Variants in PRTFDC1 observed in about 807,000 individuals in gnomAD.
PRTFDC1 encodes the protein phosphoribosyl transferase domain containing 1.
PRTFDC1 carries 38 observed loss-of-function variants against 34.6 expected under a neutral mutation model. The ratio of observed to expected loss-of-function variants is 1.10; its 90% CI spans 0.85 to 1.44. PRTFDC1 has a LOEUF of 1.44. Ranked by LOEUF, PRTFDC1 falls within the 40% of genes most tolerant of loss-of-function variation. The pLI, the probability that PRTFDC1 is intolerant of heterozygous loss-of-function variation, is 0.00. For synonymous variants in PRTFDC1, 93 were observed against 98.1 expected, an observed-to-expected ratio of 0.95 and a Z score of 0.31; for missense variants, 270 against 283.0, an observed-to-expected ratio of 0.95 and a Z score of 0.33.
At chr10:24,927,203 C>A (rs1395235461) in intron 3 of PRTFDC1, among the ~76,000 whole-genome samples, 1 of 152,142 alleles carries the variant, frequency 6.6e-6, no homozygotes, top group African/African-American at 2.4e-5. Context: ...TTCATCCATG[C>A]CCTGCTGAAA....
intron 1 of PRTFDC1, among the ~76,000 whole-genome samples, chr10:24,947,814 C>G (rs1413015589): frequency 6.6e-6 from 1 of 152,032 alleles, no homozygotes; most frequent in Non-Finnish European, 1.5e-5. Flanking sequence ...TCCCTTCACT[C>G]TAATTCAAAG....
Position 24,851,369 on chromosome 10 carries a change from A to T in PRTFDC1, c.630+19T>A, listed in dbSNP as rs1419202604. ...GTTCTTATAAAAAGGGCGGTTAGGG[A>T]TTTGCATGCAAGACTTACATTCAGA... On this transcript the variant is annotated intron_variant, in intron 8 of 8. Coordinates refer to ENST00000320152, the MANE Select transcript of PRTFDC1 (RefSeq NM_020200.7). The T allele has an allele frequency of 2.4e-5, 38 of 1,594,518 alleles. No individual in the cohort carries two copies. The highest frequency in any genetic ancestry group is 2.9e-5 in the Non-Finnish European group (34 of 1,175,128).
intron 3 of PRTFDC1, among the ~76,000 whole-genome samples, chr10:24,888,981 G>C (rs1000952567): frequency 6.6e-6 from 1 of 152,118 alleles, no homozygotes; most frequent in Non-Finnish European, 1.5e-5. Context: ...AAATGGAAAT[G>C]CTGCTACCAC....
intron 3 of PRTFDC1, among the ~76,000 whole-genome samples, chr10:24,920,433 CAG>C (rs1414321638): frequency 9.2e-5 from 14 of 152,180 alleles, no homozygotes; most frequent in African/African-American, 3.1e-4. Flanking sequence ...AATGCAGGAA[CAG>C]AAAACCAAGC....
intron 3 of PRTFDC1, among the ~76,000 whole-genome samples, chr10:24,906,520 C>A (rs1848538490): frequency 6.6e-6 from 1 of 151,926 alleles, no homozygotes; most frequent in Non-Finnish European, 1.5e-5. Flanking sequence ...GATATATGAA[C>A]AAATGACTTG....
chr10:24,933,664 A>C (rs897200300), intron 3 of PRTFDC1, among the ~76,000 whole-genome samples: 1 of 151,648 alleles, frequency 6.6e-6, no homozygotes, highest in East Asian at 1.9e-4. Context: ...ATTCAAAATG[A>C]TTCAATCCTT....
At chr10:24,869,671 T>A (rs902705335) in intron 4 of PRTFDC1, among the ~76,000 whole-genome samples, 5 of 152,214 alleles carry the variant, frequency 3.3e-5, no homozygotes, top group African/African-American at 1.2e-4. Context: ...CTAAGTGAAA[T>A]TTTTTTCACT....
intron 3 of PRTFDC1, among the ~76,000 whole-genome samples, chr10:24,905,255 G>C (rs935834851): frequency 1.2e-4 from 18 of 151,574 alleles, no homozygotes; most frequent in Non-Finnish European, 2.4e-4. Context: ...TGAGACTACA[G>C]TGAGTCGAGA....
intron 3 of PRTFDC1, among the ~76,000 whole-genome samples, chr10:24,909,317 A>G (rs1848590502): frequency 6.6e-6 from 1 of 152,234 alleles, no homozygotes; most frequent in Non-Finnish European, 1.5e-5. Context: ...AAGGTAAGAA[A>G]GAGATATTGT....
chr10:24,915,685 A>G (rs955296500), intron 3 of PRTFDC1, among the ~76,000 whole-genome samples: 5 of 152,162 alleles, frequency 3.3e-5, no homozygotes, highest in Admixed American at 6.5e-5. Flanking sequence ...TTGTTCTATT[A>G]ACTGCATTCA....
In PRTFDC1 at chr10:24,932,632, A is replaced by T. The variant is rs113531783; in HGVS notation, c.339+4552T>A. 9.7e-3 allele frequency among the ~76,000 whole-genome samples: 1,483 copies of T among 152,164 alleles called. 30 individuals carry two copies. The highest frequency in any genetic ancestry group is 0.034 in the African/African-American group (1,425 of 41,554). ...CACTTGAAAACCAGAAAACACTGAA[A>T]TAAGATCTAAATAAATTAGGAGATA... On this transcript the variant is annotated intron_variant, in intron 3 of 8. Coordinates refer to ENST00000320152, the MANE Select transcript of PRTFDC1 (RefSeq NM_020200.7).
rs771674525 is a variant in PRTFDC1 at position 24,904,804 on chromosome 10, T to C, written c.339+32380A>G. Among the ~76,000 whole-genome samples, 218 of 152,310 alleles carry C rather than the reference T, an allele frequency of 1.4e-3. 1 individual carries two copies. Among genetic ancestry groups the C allele is most frequent in the Non-Finnish European group, 2.1e-3 (143 of 68,034 alleles). On this transcript the variant is annotated intron_variant, in intron 3 of 8. Transcript: ENST00000320152. ...AGCCTGACACCTTCTGTGGATTTCA[T>C]CCCAAATTCTATCCTCCACCTTCAA...
In PRTFDC1 at chr10:24,894,593, C is replaced by T. The variant is rs148821231; in HGVS notation, c.340-22530G>A. 1.7e-3 allele frequency among the ~76,000 whole-genome samples: 253 copies of T among 152,276 alleles called. 2 individuals are homozygous for T. Among genetic ancestry groups the T allele is most frequent in the African/African-American group, 5.7e-3 (238 of 41,554 alleles). ...TGTGAAGGCACCCGGGAGCCAATCT[C>T]GGTTTGTGGATGAGGCAAAGTGGCT... On this transcript the variant is annotated intron_variant, in intron 3 of 8. Transcript: ENST00000320152.
chr10:24,937,353 G>T lies in PRTFDC1; in HGVS notation c.170C>A (p.Ala57Asp), dbSNP rs761556689. ...TCCTATGTCTTTCATAATATCCTTG[G>T]CCAGCCGCTCAATTCTGAAAGAAGG... ...GIIVDRIERL[A>D]KDIMKDIGYS... Residue 57 changes from alanine (A) to aspartate (D), a missense_variant, in exon 3 of 9, where the codon GCC becomes GAC. Coordinates refer to ENST00000320152, the MANE Select transcript of PRTFDC1 (RefSeq NM_020200.7). 1.2e-6 allele frequency: 2 copies of T among 1,607,204 alleles called. No homozygotes were observed. The highest frequency in any genetic ancestry group is 8.5e-7 in the Non-Finnish European group (1 of 1,178,126).
In PRTFDC1 at chr10:24,851,486, A is replaced by G. The variant is rs200214129; in HGVS notation, c.554-22T>C. ...GCATCTTAGCAGACAGAGAAAGAGAAAAAAAAAAAGGAACAAAATTTAGAT... is the reference window on the plus strand; with the variant it reads ...GCATCTTAGCAGACAGAGAAAGAGAGAAAAAAAAAGGAACAAAATTTAGAT... On this transcript the variant is annotated intron_variant, in intron 7 of 8. Transcript: ENST00000320152. 4.7e-5 allele frequency: 73 copies of G among 1,556,454 alleles called. No homozygotes were observed. In the East Asian group the frequency reaches 8.2e-4, roughly 17 times the overall value.
chr10:24,899,838 G>T (rs762410775), intron 3 of PRTFDC1, among the ~76,000 whole-genome samples: 6 of 152,100 alleles, frequency 3.9e-5, no homozygotes, highest in Non-Finnish European at 7.3e-5. Flanking sequence ...ACAATGTTGC[G>T]GGAAGTATTC....
chr10:24,920,693 A>G, intron 3 of PRTFDC1, among the ~76,000 whole-genome samples: 1 of 152,216 alleles, frequency 6.6e-6, no homozygotes. Context: ...TTAAAATAAA[A>G]TTCAATTTTT....
intron 3 of PRTFDC1, among the ~76,000 whole-genome samples, chr10:24,909,289 A>G (rs981220416): frequency 4.6e-5 from 7 of 152,352 alleles, no homozygotes; most frequent in African/African-American, 1.7e-4. Flanking sequence ...CTCAAAAAAA[A>G]GGGGACTATC....
intron 4 of PRTFDC1, among the ~76,000 whole-genome samples, chr10:24,863,334 A>T (rs561592501): frequency 6.6e-6 from 1 of 152,346 alleles, no homozygotes; most frequent in African/African-American, 2.4e-5. Flanking sequence ...TTATATAGGC[A>T]CATCTGCTTA....
Sources: gnomAD v4.1 joint callset for allele counts (sites outside exome capture counted in the v4.1 genomes callset) on GRCh38, gnomAD v4.1.1 for gene constraint, MANE v1.5 for transcripts, NCBI Gene and HGNC (gene_info 2026-07-23, HGNC 2026-07-21) for gene names.